The following TRPA1 variants were observed in gnomAD, a reference collection of about 807,000 sequenced individuals.
TRPA1 encodes transient receptor potential cation channel subfamily A member 1.
In TRPA1, 129 loss-of-function variants were observed where a neutral mutation model predicts 131.3. The observed-to-expected ratio is 0.98, with a 90% CI of 0.85 to 1.14. TRPA1 has a LOEUF of 1.14. Ranked by LOEUF, TRPA1 falls within the 50% of genes most tolerant of loss-of-function variation. The pLI, the probability that TRPA1 is intolerant of heterozygous loss-of-function variation, is 0.00. For synonymous variants in TRPA1, 441 were observed against 451.7 expected (o/e 0.98, Z 0.30); for missense variants, 1,304 against 1,354.2 (o/e 0.96, Z 0.58).
chr8:72,050,833 G>C lies in TRPA1; in HGVS notation c.1850C>G (p.Pro617Arg), dbSNP rs758949003. The C allele has an allele frequency of 6.2e-7, 1 of 1,611,420 alleles. No individual in the cohort carries two copies. The highest frequency in any genetic ancestry group is 1.1e-5 in the South Asian group (1 of 91,038). The change falls in exon 15 of 27, where the codon CCA becomes CGA. Residue 617 changes from proline (P) to arginine (R), a missense_variant. By Grantham distance (103) the Pro-to-Arg change is moderately radical. Transcript: ENST00000262209. ...ECLKIFSHNS[P>R]GNKCPITEMI... ...TTCTGTAATTGGACATTTATTGCCT[G>C]GAGAATTATGACTGAAAATCTTAAG...
intron 7 of TRPA1, among the ~76,000 whole-genome samples, chr8:72,060,117 G>A (rs1247611289): frequency 6.6e-6 from 1 of 151,834 alleles, no homozygotes. Flanking sequence ...TGATTGACAA[G>A]AGGTTGCATT....
Position 72,022,801 on chromosome 8 carries a change from C to A in TRPA1, c.*105G>T, listed in dbSNP as rs1811442963. On this transcript the variant is annotated 3_prime_UTR_variant, in exon 27 of 27. Transcript: ENST00000262209. The stretch of plus-strand genomic sequence containing the variant: ...CATGCAGGAACCATGATTTCACACG[C>A]AGCAAAATGAATCATTCTGCTTCTT... 9.6e-7 allele frequency: 1 copy of A among 1,045,588 alleles called. No homozygotes were observed. The highest frequency in any genetic ancestry group is 1.5e-6 in the Non-Finnish European group (1 of 684,984). 64.8% of individuals were successfully genotyped at this position (1,045,588 alleles called of 1,614,324 possible).
the TRPA1 span, among the ~76,000 whole-genome samples, chr8:72,085,290 A>G: frequency 6.6e-6 from 1 of 152,092 alleles, no homozygotes; most frequent in Non-Finnish European, 1.5e-5. Flanking sequence ...AAATCTTATC[A>G]ATTGTTCTTC....
At chr8:72,083,812 A>T in the TRPA1 span, among the ~76,000 whole-genome samples, 13 of 152,176 alleles carry the variant, frequency 8.5e-5, no homozygotes, top group Non-Finnish European at 1.9e-4. Context: ...AAACTGTAGA[A>T]TCTGTTTCCC....
intron 23 of TRPA1, among the ~76,000 whole-genome samples, chr8:72,033,382 T>C (rs1275402169): frequency 6.6e-6 from 1 of 152,212 alleles, no homozygotes; most frequent in Non-Finnish European, 1.5e-5. Context: ...GCTTTCTTCA[T>C]CACTGGTTCC....
intron 2 of TRPA1, among the ~76,000 whole-genome samples, chr8:72,070,637 A>G (rs947770424): frequency 1.3e-5 from 2 of 152,070 alleles, no homozygotes; most frequent in Non-Finnish European, 2.9e-5. Flanking sequence ...AACTTCACCC[A>G]TGGCATGTGT....
chr8:72,081,104 G>C, the TRPA1 span, among the ~76,000 whole-genome samples: 1 of 150,140 alleles, frequency 6.7e-6, no homozygotes, highest in African/African-American at 2.4e-5. Flanking sequence ...TTACCTTTTT[G>C]AGGTAGAACA....
chr8:72,041,636 CAG>C lies in TRPA1; in HGVS notation c.2062-1841_2062-1840del, dbSNP rs765207774. Among the ~76,000 whole-genome samples the C allele has an allele frequency of 4.1e-4, 63 of 151,856 alleles. 1 individual carries two copies. The highest frequency in any genetic ancestry group is 5.5e-4 in the African/African-American group (23 of 41,462). On this transcript the variant is annotated intron_variant, in intron 17 of 26. Coordinates refer to ENST00000262209, the MANE Select transcript of TRPA1 (RefSeq NM_007332.3). The stretch of plus-strand genomic sequence containing the variant: ...CAAATAGGTCAAAGACAAAATAAAA[CAG>C]AAATTTAAAGTACATCTGGAAACAA...
Position 72,022,616 on chromosome 8 carries a change from A to T in TRPA1, c.*290T>A, listed in dbSNP as rs1317591817. 1 of 483,720 alleles carries T rather than the reference A, an allele frequency of 2.1e-6. No individual in the cohort carries two copies. The highest frequency in any genetic ancestry group is 3.9e-5 in the East Asian group (1 of 25,382). 30.0% of individuals were successfully genotyped at this position (483,720 alleles called of 1,614,324 possible). On this transcript the variant is annotated 3_prime_UTR_variant, in exon 27 of 27. Coordinates refer to ENST00000262209, the MANE Select transcript of TRPA1 (RefSeq NM_007332.3). ...CATTTATTACTTCTTTTCATTAAAAATGTGTGTTCTAGCAAATTCATTTTC... is the reference window on the plus strand; with the variant it reads ...CATTTATTACTTCTTTTCATTAAAATTGTGTGTTCTAGCAAATTCATTTTC...
At chr8:72,052,862 A>G (rs186049917) in intron 13 of TRPA1, 97 bp from the exon 14 acceptor site, 3 of 1,356,196 alleles carry the variant, frequency 2.2e-6, no homozygotes, top group Middle Eastern at 2.5e-4. Context: ...GACACTATTT[A>G]ATACCAAAAT....
intron 7 of TRPA1, chr8:72,060,254 ATTT>A (rs1805776037): frequency 2.0e-5 from 3 of 151,884 alleles, no homozygotes; most frequent in African/African-American, 7.3e-5. Flanking sequence ...CTAAAGATAC[ATTT>A]AACAATAACC....
chr8:72,055,638 A>C (rs1294096217), intron 11 of TRPA1, 38 bp from the exon 12 acceptor site: 5 of 1,613,644 alleles, frequency 3.1e-6, no homozygotes, highest in Non-Finnish European at 4.2e-6. Context: ...CAAGGCAAAT[A>C]TTAAACAGAA....
the TRPA1 span, among the ~76,000 whole-genome samples, chr8:72,081,854 TA>T: frequency 1.3e-5 from 2 of 151,894 alleles, no homozygotes; most frequent in South Asian, 4.1e-4. Context: ...TCCATCCTGT[TA>T]ATTTTAATCT....
intron 3 of TRPA1, among the ~76,000 whole-genome samples, chr8:72,068,114 T>A (rs1179465151): frequency 6.6e-6 from 1 of 152,174 alleles, no homozygotes; most frequent in African/African-American, 2.4e-5. Flanking sequence ...TCTCAAACCT[T>A]TTATGCCAGA....
In TRPA1 at chr8:72,052,740, C is replaced by A; in HGVS notation, c.1670G>T (p.Arg557Met). ...DGNTALHFAA[R>M]EGHAKAVALL... is the part of the protein sequence containing the mutation. ...CGCAACGGCTTTGGCGTGGCCTTCC[C>A]TTGCAGCAAAGTGAAGTGCAGTGTT... The change falls in exon 14 of 27, where the codon AGG (arginine) becomes ATG (methionine). Residue 557 changes from arginine to methionine, a missense_variant. Transcript: ENST00000262209. The A allele has an allele frequency of 6.2e-7, 1 of 1,613,378 alleles. No homozygotes were observed. Among genetic ancestry groups the A allele is most frequent in the Non-Finnish European group, 8.5e-7 (1 of 1,179,854 alleles).
At chr8:72,033,939 G>T in intron 22 of TRPA1, 113 bp from the exon 23 acceptor site, 2 of 1,018,156 alleles carry the variant, frequency 2.0e-6, no homozygotes, top group Non-Finnish European at 3.0e-6. Context: ...AAAGTCATAG[G>T]CATATAGCTG....
rs34580569 is a variant in TRPA1 at position 72,056,077 on chromosome 8, G to C, written c.1195-222C>G. The stretch of plus-strand genomic sequence containing the variant: ...CATTACCATATTAGTGTACATTACT[G>C]TATTAAAGGATCTGAGAGATCATGC... On this transcript the variant is annotated intron_variant, in intron 10 of 26. Transcript: ENST00000262209. 0.14 allele frequency: 84,220 copies of C among 583,088 alleles called. 6,732 individuals are homozygous for C. Among genetic ancestry groups the C allele is most frequent in the Middle Eastern group, 0.24 (518 of 2,158 alleles). The allele number at this position is 583,088 out of a possible 1,614,324, so 36.1% of individuals were successfully genotyped here.
chr8:72,086,250 ACTTAAG>A, the TRPA1 span, among the ~76,000 whole-genome samples: 3 of 152,282 alleles, frequency 2.0e-5, no homozygotes, highest in East Asian at 1.9e-4. Flanking sequence ...TAACAATCAC[ACTTAAG>A]CTTAAGATTT....
In TRPA1 at chr8:72,056,916, C is replaced by T. The variant is rs1489183548; in HGVS notation, c.1194+1G>A. 1 of 1,600,132 alleles carries T rather than the reference C, an allele frequency of 6.2e-7. No homozygotes were observed. On this transcript the variant is annotated splice_donor_variant, in intron 10 of 26. Transcript: ENST00000262209. LOFTEE classifies it high-confidence loss of function. The stretch of plus-strand genomic sequence containing the variant: ...AATGGCAATCCACAGATATACATTA[C>T]CTGCATAAATTCAGGTCGCAGATTT...
Sources: gnomAD v4.1 joint callset for allele counts (sites outside exome capture counted in the v4.1 genomes callset) on GRCh38, gnomAD v4.1.1 for gene constraint, MANE v1.5 for transcripts, NCBI Gene and HGNC (gene_info 2026-07-23, HGNC 2026-07-21) for gene names.